The following PTPRD variants were observed in gnomAD, a reference collection of about 807,000 sequenced individuals.
PTPRD encodes the protein receptor-type tyrosine-protein phosphatase delta.
Under a neutral mutation model 214.5 loss-of-function variants are expected in PTPRD, and 34 were observed. The observed-to-expected ratio is 0.16, with a 90% CI of 0.12 to 0.21. The LOEUF (loss-of-function observed/expected upper bound fraction) is 0.21. Among genes scored for constraint, PTPRD ranks in the 10% least tolerant of loss-of-function variants. The pLI, the probability that PTPRD is intolerant of heterozygous loss-of-function variation, is 1.00. For missense variants in PTPRD, 2,545 were observed against 2,398.7 expected, an observed-to-expected ratio of 1.06 and a Z score of -1.27; for synonymous variants, 1,128 against 845.7, an observed-to-expected ratio of 1.33 and a Z score of -5.79.
chr9:10,536,489 T>A (rs139474166), intron 2 of PTPRD, among the ~76,000 whole-genome samples: 92 of 152,256 alleles, frequency 6.0e-4, no homozygotes, highest in African/African-American at 2.1e-3. Context: ...TATGAGAAAC[T>A]TCATAATAAT....
chr9:8,947,776 T>A (rs1383629316), intron 11 of PTPRD, among the ~76,000 whole-genome samples: 1 of 152,114 alleles, frequency 6.6e-6, no homozygotes, highest in Admixed American at 6.6e-5. Flanking sequence ...AAGAAAAGAT[T>A]ACTACTGTGA....
intron 17 of PTPRD, chr9:8,525,238 A>C (rs1426475926): frequency 7.1e-6 from 5 of 701,600 alleles, no homozygotes; most frequent in African/African-American, 1.8e-5. Context: ...TTACATCATC[A>C]ATGCTAGCAT....
intron 2 of PTPRD, among the ~76,000 whole-genome samples, chr9:10,533,851 A>G (rs2057093229): frequency 2.0e-5 from 3 of 151,842 alleles, no homozygotes; most frequent in Admixed American, 2.0e-4. Flanking sequence ...TTTATAATAA[A>G]AACACTATTT....
chr9:10,437,417 G>A (rs1417572068), intron 2 of PTPRD, among the ~76,000 whole-genome samples: 2 of 151,808 alleles, frequency 1.3e-5, no homozygotes, highest in African/African-American at 4.8e-5. Flanking sequence ...CAGCACTGAT[G>A]TGGTATTTCC....
At chr9:8,746,444 T>G (rs1026144516) in intron 11 of PTPRD, among the ~76,000 whole-genome samples, 3 of 152,184 alleles carry the variant, frequency 2.0e-5, no homozygotes, top group Non-Finnish European at 4.4e-5. Context: ...CAATACTCAC[T>G]CCTTTAGAAA....
chr9:9,578,366 T>C (rs991595298), intron 7 of PTPRD, among the ~76,000 whole-genome samples: 1 of 152,198 alleles, frequency 6.6e-6, no homozygotes, highest in Admixed American at 6.5e-5. Context: ...ATCTATGATG[T>C]AGTGTTTGGA....
chr9:8,825,730 G>A (rs1320739958), intron 11 of PTPRD, among the ~76,000 whole-genome samples: 2 of 152,188 alleles, frequency 1.3e-5, no homozygotes, highest in African/African-American at 4.8e-5. Context: ...GTTGCCCATT[G>A]TTATGGTTAT....
At chr9:10,058,650 C>A (rs2097702326) in intron 3 of PTPRD, among the ~76,000 whole-genome samples, 1 of 152,046 alleles carries the variant, frequency 6.6e-6, no homozygotes, top group South Asian at 2.1e-4. Context: ...TAGATTCTCT[C>A]TTATGGGAAT....
chr9:10,414,044 G>T (rs1407576290), intron 2 of PTPRD, among the ~76,000 whole-genome samples: 1 of 151,816 alleles, frequency 6.6e-6, no homozygotes, highest in Non-Finnish European at 1.5e-5. Flanking sequence ...CATAGAAATG[G>T]GCAAAGATTT....
chr9:8,971,001 A>G (rs2099234970), intron 11 of PTPRD, among the ~76,000 whole-genome samples: 2 of 151,744 alleles, frequency 1.3e-5, no homozygotes. Context: ...AAGTTTTTAA[A>G]AAGCCTAAAA....
chr9:8,579,267 C>T (rs1042224146), intron 14 of PTPRD, among the ~76,000 whole-genome samples: 5 of 152,182 alleles, frequency 3.3e-5, no homozygotes, highest in African/African-American at 1.2e-4. Context: ...AATACAAAAG[C>T]TTCTTTTCTC....
intron 11 of PTPRD, among the ~76,000 whole-genome samples, chr9:8,900,694 T>G (rs1236229311): frequency 6.6e-6 from 1 of 152,178 alleles, no homozygotes; most frequent in Non-Finnish European, 1.5e-5. Flanking sequence ...TTCTGTAGAA[T>G]CTTCAAAATG....
intron 11 of PTPRD, among the ~76,000 whole-genome samples, chr9:8,749,584 G>A (rs2154460214): frequency 6.6e-6 from 1 of 152,290 alleles, no homozygotes; most frequent in East Asian, 1.9e-4. Flanking sequence ...GACAGCTGAT[G>A]TCAACAAGAC....
chr9:9,050,402 T>A (rs755664003), intron 10 of PTPRD, among the ~76,000 whole-genome samples: 3 of 152,100 alleles, frequency 2.0e-5, no homozygotes, highest in Non-Finnish European at 2.9e-5. Flanking sequence ...CTTTCCCCAT[T>A]ATATTACATG....
chr9:10,346,337 T>C (rs767783970), intron 2 of PTPRD, among the ~76,000 whole-genome samples: 15 of 152,148 alleles, frequency 9.9e-5, no homozygotes, highest in Non-Finnish European at 1.9e-4. Flanking sequence ...AGGCTTCAAT[T>C]CATGTTTTAA....
chr9:9,939,648 T>C (rs2090826638), intron 4 of PTPRD, among the ~76,000 whole-genome samples: 1 of 152,212 alleles, frequency 6.6e-6, no homozygotes, highest in Admixed American at 6.5e-5. Context: ...ACCTGATGCC[T>C]GGTAACACCC....
At chr9:10,173,182 G>C (rs552384609) in intron 3 of PTPRD, among the ~76,000 whole-genome samples, 1 of 152,112 alleles carries the variant, frequency 6.6e-6, no homozygotes, top group Non-Finnish European at 1.5e-5. Flanking sequence ...GTGAAGGGGG[G>C]ATTTATTTTG....
chr9:10,093,409 A>C (rs909491390), intron 3 of PTPRD, among the ~76,000 whole-genome samples: 6 of 151,520 alleles, frequency 4.0e-5, no homozygotes, highest in Non-Finnish European at 7.4e-5. Flanking sequence ...TTCTTATACT[A>C]CCAGTCAGAA....
chr9:9,433,768 G>C (rs1484156362), intron 8 of PTPRD, among the ~76,000 whole-genome samples: 3 of 152,164 alleles, frequency 2.0e-5, no homozygotes, highest in Non-Finnish European at 4.4e-5. Context: ...TTTAATTTTA[G>C]TACCAAAATG....
Sources: allele counts gnomAD v4.1 joint callset (sites outside exome capture counted in the v4.1 genomes callset), GRCh38; gene constraint gnomAD v4.1.1; transcripts MANE v1.5; gene names NCBI Gene and HGNC (gene_info 2026-07-23, HGNC 2026-07-21).